Variants in CDH4 observed in about 807,000 individuals in gnomAD.
The protein encoded by CDH4 is cadherin 4.
In CDH4, 33 loss-of-function variants were observed where a neutral mutation model predicts 86.0. The observed-to-expected ratio is 0.38, with a 90% CI of 0.29 to 0.51. The LOEUF is 0.51. Among genes scored for constraint, CDH4 ranks in the 20% least tolerant of loss-of-function variants. The pLI is 0.86. For missense variants in CDH4, 1,114 were observed against 1,307.4 expected (o/e 0.85, Z 2.28); for synonymous variants, 555 against 549.4 (o/e 1.01, Z -0.14).
rs559661519 is a variant in CDH4, at chr20:61,770,815, G to A, written c.397-2188G>A. The stretch of plus-strand genomic sequence containing the variant: ...GGAGAATGGCATGAGCCCGGGAGGC[G>A]GTGCTTGCAGTGAGCCGAGATCACA... On this transcript the variant is annotated intron_variant, in intron 3 of 15. Coordinates refer to ENST00000614565, the MANE Select transcript of CDH4 (RefSeq NM_001794.5). 1.5e-4 allele frequency among the ~76,000 whole-genome samples: 22 copies of A among 150,052 alleles called. No individual in the cohort carries two copies. The South Asian group carries it at 2.5e-3, about 17-fold the overall frequency.
At chr20:61,815,411 G>A (rs770131539) in intron 4 of CDH4, among the ~76,000 whole-genome samples, 18 of 152,202 alleles carry the variant, frequency 1.2e-4, no homozygotes, top group East Asian at 1.9e-4. Flanking sequence ...GCTGGTGAGC[G>A]GGGAAGCCGC....
At chr20:61,320,977 G>C (rs2084504974) in intron 2 of CDH4, among the ~76,000 whole-genome samples, 1 of 152,074 alleles carries the variant, frequency 6.6e-6, no homozygotes. Context: ...AGTGTCCCAG[G>C]TCTCTCCTCC....
intron 2 of CDH4, among the ~76,000 whole-genome samples, chr20:61,574,053 G>A (rs1381403772): frequency 1.3e-5 from 2 of 152,204 alleles, no homozygotes; most frequent in Admixed American, 1.3e-4. Flanking sequence ...TCTGGCCAGC[G>A]AGGACCCACA....
At chr20:61,439,227 GGTGTGCGTTTTGGTTGTGCTGCA>G in intron 2 of CDH4, among the ~76,000 whole-genome samples, 1 of 152,056 alleles carries the variant, frequency 6.6e-6, no homozygotes, top group Non-Finnish European at 1.5e-5. Flanking sequence ...AGGGTGTTGC[GGTGTGCGTTTTGGTTGTGCTGCA>G]GTGTGCGTTT....
At chr20:61,328,778 C>CT (rs2084551465) in intron 2 of CDH4, among the ~76,000 whole-genome samples, 1 of 152,132 alleles carries the variant, frequency 6.6e-6, no homozygotes, top group Admixed American at 6.5e-5. Context: ...CAGAGGGAGA[C>CT]TGTCTCAAAA....
At chr20:61,443,815 T>C (rs1417779383) in intron 2 of CDH4, among the ~76,000 whole-genome samples, 8 of 151,800 alleles carry the variant, frequency 5.3e-5, no homozygotes, top group East Asian at 1.9e-4. Flanking sequence ...GTGTGGTGTG[T>C]CTGTGTATCT....
intron 8 of CDH4, among the ~76,000 whole-genome samples, chr20:61,905,096 G>A (rs1042411676): frequency 2.6e-5 from 4 of 152,182 alleles, no homozygotes; most frequent in African/African-American, 4.8e-5. Flanking sequence ...TTACAGTCTC[G>A]GCAACAAATT....
chr20:61,691,339 ATG>A (rs767569867), intron 2 of CDH4, among the ~76,000 whole-genome samples: 73 of 149,642 alleles, frequency 4.9e-4, no homozygotes, highest in South Asian at 1.1e-3. Context: ...GGATGTGTGT[ATG>A]TGTGTGTATT....
At chr20:61,800,194 C>T (rs937898983) in intron 4 of CDH4, among the ~76,000 whole-genome samples, 7 of 152,234 alleles carry the variant, frequency 4.6e-5, no homozygotes, top group African/African-American at 1.7e-4. Context: ...CCCAAGGGCC[C>T]TTTGTGAGTG....
chr20:61,565,233 G>GTGGCGGTGCTCTTGGTGA (rs2086270711), intron 2 of CDH4, among the ~76,000 whole-genome samples: 1 of 46,744 alleles, frequency 2.1e-5, no homozygotes, highest in Non-Finnish European at 4.1e-5. Context: ...GGTGGTGGTG[G>GTGGCGGTGCTCTTGGTGA]TGGTGGTGGC....
At chr20:61,817,371 C>T (rs141447335) in intron 4 of CDH4, among the ~76,000 whole-genome samples, 1 of 152,314 alleles carries the variant, frequency 6.6e-6, no homozygotes, top group East Asian at 1.9e-4. Flanking sequence ...CTGGGCTTAG[C>T]CTACCCAGAT....
At chr20:61,701,689 C>T (rs1018369600) in intron 2 of CDH4, among the ~76,000 whole-genome samples, 2 of 152,266 alleles carry the variant, frequency 1.3e-5, no homozygotes, top group African/African-American at 2.4e-5. Context: ...GGCAGGCCTC[C>T]AGCGCTGGTA....
intron 2 of CDH4, among the ~76,000 whole-genome samples, chr20:61,482,445 CT>C (rs1437899905): frequency 1.3e-5 from 2 of 152,162 alleles, no homozygotes; most frequent in Admixed American, 1.3e-4. Context: ...GCTGTTTTCT[CT>C]CTTGTGGCCC....
chr20:61,576,582 TC>T (rs2086384115), intron 2 of CDH4, among the ~76,000 whole-genome samples: 3 of 152,062 alleles, frequency 2.0e-5, no homozygotes, highest in Non-Finnish European at 1.5e-5. Context: ...CACTAATCGA[TC>T]CCACTCTCTT....
At chr20:61,385,479 TC>T (rs2084946085) in intron 2 of CDH4, among the ~76,000 whole-genome samples, 1 of 150,888 alleles carries the variant, frequency 6.6e-6, no homozygotes, top group African/African-American at 2.4e-5. Flanking sequence ...TGGATTGTGG[TC>T]TCAAGAATTC....
chr20:61,725,466 G>A (rs574977770), intron 2 of CDH4, among the ~76,000 whole-genome samples: 1 of 152,274 alleles, frequency 6.6e-6, no homozygotes, highest in Non-Finnish European at 1.5e-5. Context: ...GTATCAACAG[G>A]AGCTGCCTTC....
intron 2 of CDH4, among the ~76,000 whole-genome samples, chr20:61,655,649 G>T (rs975278701): frequency 1.5e-4 from 23 of 152,264 alleles, no homozygotes; most frequent in Admixed American, 1.1e-3. Flanking sequence ...TTTGTTGTTA[G>T]GTTGTCAGTG....
At chr20:61,462,449 C>T (rs979247720) in intron 2 of CDH4, among the ~76,000 whole-genome samples, 4 of 152,202 alleles carry the variant, frequency 2.6e-5, no homozygotes, top group Non-Finnish European at 5.9e-5. Context: ...AATTTATTCT[C>T]ACCTGGTAAA....
intron 2 of CDH4, among the ~76,000 whole-genome samples, chr20:61,423,548 A>C (rs1418916615): frequency 1.3e-5 from 2 of 152,092 alleles, no homozygotes; most frequent in African/African-American, 4.8e-5. Context: ...TTGCAAACGC[A>C]CTCGGATGAA....
Sources: gnomAD v4.1 joint callset for allele counts (sites outside exome capture counted in the v4.1 genomes callset) on GRCh38, gnomAD v4.1.1 for gene constraint, MANE v1.5 for transcripts, NCBI Gene and HGNC (gene_info 2026-07-23, HGNC 2026-07-21) for gene names.